The following PAK5 variants were observed in gnomAD, a reference collection of about 807,000 sequenced individuals.
The protein encoded by PAK5 is p21 (RAC1) activated kinase 5, also known as serine/threonine-protein kinase PAK 5.
PAK5 carries 16 observed loss-of-function variants against 65.9 expected under a neutral mutation model. The observed-to-expected ratio is 0.24, with a 90% CI of 0.16 to 0.37. The LOEUF (loss-of-function observed/expected upper bound fraction) is 0.37, where lower values mean the gene tolerates loss of function less well. Among genes scored for constraint, PAK5 ranks in the 10% least tolerant of loss-of-function variants. The probability of loss-of-function intolerance (pLI) is 1.00; values close to 1 mark genes in which losing one functional copy is unlikely to be tolerated. For missense variants in PAK5, 785 were observed against 903.9 expected (o/e 0.87, Z 1.69); for synonymous variants, 371 against 354.9 (o/e 1.05, Z -0.51).
At chr20:9,741,722 C>G (rs1286107656) in intron 1 of PAK5, among the ~76,000 whole-genome samples, 1 of 152,086 alleles carries the variant, frequency 6.6e-6, no homozygotes, top group Non-Finnish European at 1.5e-5. Context: ...ATCATGAGGA[C>G]AGTTGCTAAG....
At chr20:9,627,610 A>G (rs1407265498) in intron 3 of PAK5, among the ~76,000 whole-genome samples, 2 of 151,992 alleles carry the variant, frequency 1.3e-5, no homozygotes, top group Admixed American at 6.6e-5. Flanking sequence ...TTTCCATTCA[A>G]TGTTTTTTCT....
chr20:9,685,956 G>A (rs190707745), intron 2 of PAK5, among the ~76,000 whole-genome samples: 1 of 152,316 alleles, frequency 6.6e-6, no homozygotes, highest in African/African-American at 2.4e-5. Context: ...GATTAGCAAA[G>A]TGTTGCTACA....
rs369268475 is a variant in PAK5 at position 9,580,287 on chromosome 20, C to T, written c.848G>A (p.Arg283Gln). The T allele has an allele frequency of 5.6e-6, 9 of 1,614,104 alleles. No homozygotes were observed. Among genetic ancestry groups the T allele is most frequent in the South Asian group, 2.2e-5 (2 of 91,084 alleles). Residue 283 changes from arginine (R) to glutamine (Q), a missense_variant, in exon 4 of 10, where the codon CGG (arginine) becomes CAG (glutamine). Around this residue, in one of 4 missense-constraint regions of PAK5, gnomAD observed 422 missense variants for 413.3 expected, o/e 1.02. Coordinates refer to ENST00000353224, the MANE Select transcript of PAK5 (RefSeq NM_177990.4). ...TCCCGAGCCTGACCTGGACCTCTGC[C>T]GCATGGTGGGCTGAGGGCTTGTCTG... ...LNQTSPQPTMRQRSRSGSGLQ... is the reference protein window; with the variant it reads ...LNQTSPQPTMQQRSRSGSGLQ...
intron 2 of PAK5, among the ~76,000 whole-genome samples, chr20:9,694,865 G>A (rs574303043): frequency 3.9e-5 from 6 of 152,064 alleles, no homozygotes; most frequent in South Asian, 4.2e-4. Context: ...GTTCAAGTAC[G>A]TGTCTTTTGG....
intron 3 of PAK5, among the ~76,000 whole-genome samples, chr20:9,616,693 G>A (rs1327832112): frequency 6.6e-6 from 1 of 152,120 alleles, no homozygotes; most frequent in African/African-American, 2.4e-5. Flanking sequence ...AATACACTGG[G>A]GTGCAGTGCC....
At chr20:9,554,566 C>A (rs2045478687) in intron 7 of PAK5, among the ~76,000 whole-genome samples, 1 of 152,164 alleles carries the variant, frequency 6.6e-6, no homozygotes, top group South Asian at 2.1e-4. Flanking sequence ...TGACTGTTGA[C>A]TTAAGACTCT....
chr20:9,651,609 TG>T (rs1461236850), intron 2 of PAK5, among the ~76,000 whole-genome samples: 1 of 152,144 alleles, frequency 6.6e-6, no homozygotes, highest in Non-Finnish European at 1.5e-5. Flanking sequence ...CAATAAAAAT[TG>T]GTTAAAATGG....
At chr20:9,635,996 G>A (rs962600805) in intron 3 of PAK5, among the ~76,000 whole-genome samples, 5 of 152,126 alleles carry the variant, frequency 3.3e-5, no homozygotes, top group African/African-American at 7.2e-5. Flanking sequence ...AGAAAGTAAA[G>A]GAGGCACTAA....
intron 2 of PAK5, among the ~76,000 whole-genome samples, chr20:9,650,694 CT>C (rs1190915234): frequency 6.6e-6 from 1 of 151,980 alleles, no homozygotes; most frequent in Non-Finnish European, 1.5e-5. Flanking sequence ...TAGGTAAACC[CT>C]TCTGGAGTGC....
intron 1 of PAK5, among the ~76,000 whole-genome samples, chr20:9,813,273 G>A (rs2049319010): frequency 6.6e-6 from 1 of 151,814 alleles, no homozygotes; most frequent in African/African-American, 2.4e-5. Flanking sequence ...CTGCTATGGA[G>A]CAAGGACAAA....
At chr20:9,648,171 G>C (rs114208383) in intron 2 of PAK5, among the ~76,000 whole-genome samples, 1 of 152,130 alleles carries the variant, frequency 6.6e-6, no homozygotes, top group African/African-American at 2.4e-5. Context: ...AGTCATACTC[G>C]TGGCTGTGAT....
chr20:9,708,655 G>A (rs1041664818), intron 2 of PAK5, among the ~76,000 whole-genome samples: 3 of 152,028 alleles, frequency 2.0e-5, no homozygotes, highest in Admixed American at 6.6e-5. Flanking sequence ...GCAAACATCT[G>A]GGACTCTGCC....
chr20:9,616,359 G>T (rs1421679098), intron 3 of PAK5, among the ~76,000 whole-genome samples: 1 of 152,204 alleles, frequency 6.6e-6, no homozygotes, highest in Non-Finnish European at 1.5e-5. Flanking sequence ...GCGAGTAGCA[G>T]ATTCTAATGT....
At chr20:9,736,085 G>A (rs1370365482) in intron 1 of PAK5, among the ~76,000 whole-genome samples, 2 of 151,782 alleles carry the variant, frequency 1.3e-5, no homozygotes, top group African/African-American at 4.8e-5. Context: ...ATTTTTAGTA[G>A]AGATGGGGTT....
intron 2 of PAK5, among the ~76,000 whole-genome samples, chr20:9,672,355 T>A (rs1315983440): frequency 1.3e-5 from 2 of 148,608 alleles, no homozygotes; most frequent in Non-Finnish European, 3.0e-5. Context: ...CTCAGTGATA[T>A]AGTTTGGCTG....
chr20:9,586,799 G>C (rs2046077817), intron 3 of PAK5, among the ~76,000 whole-genome samples: 1 of 151,944 alleles, frequency 6.6e-6, no homozygotes, highest in Non-Finnish European at 1.5e-5. Flanking sequence ...CTTGTCACCA[G>C]GTATCCCGAG....
At chr20:9,570,736 T>A (rs1388034167) in intron 4 of PAK5, among the ~76,000 whole-genome samples, 1 of 152,212 alleles carries the variant, frequency 6.6e-6, no homozygotes, top group East Asian at 1.9e-4. Flanking sequence ...TCCTGTACTT[T>A]CAACGAAATT....
intron 2 of PAK5, among the ~76,000 whole-genome samples, chr20:9,685,822 C>G (rs565203391): frequency 6.6e-6 from 1 of 152,180 alleles, no homozygotes; most frequent in South Asian, 2.1e-4. Context: ...TCTGCTAGTA[C>G]TTATCTACTG....
At chr20:9,585,169 A>AAT (rs1387018675) in intron 3 of PAK5, among the ~76,000 whole-genome samples, 1 of 152,156 alleles carries the variant, frequency 6.6e-6, no homozygotes, top group Non-Finnish European at 1.5e-5. Flanking sequence ...CATCTTAAAC[A>AAT]ATATTCCAAT....
Sources: allele counts gnomAD v4.1 joint callset (sites outside exome capture counted in the v4.1 genomes callset), GRCh38; gene constraint gnomAD v4.1.1; regional missense constraint gnomAD v4.1.1; transcripts MANE v1.5; gene names NCBI Gene and HGNC (gene_info 2026-07-23, HGNC 2026-07-21).